The following ASH1L variants were observed in gnomAD, a reference collection of about 807,000 sequenced individuals.
ASH1L encodes the protein histone-lysine N-methyltransferase ASH1L.
In ASH1L, 23 loss-of-function variants were observed where a neutral mutation model predicts 269.0. The observed-to-expected ratio is 0.09, with a 90% confidence interval of 0.06 to 0.12. ASH1L has a LOEUF of 0.12. Ranked by LOEUF, ASH1L falls within the 10% of genes least tolerant of loss-of-function variation. The pLI, the probability that ASH1L is intolerant of heterozygous loss-of-function variation, is 1.00. For synonymous variants in ASH1L, 1,187 were observed against 1,253.5 expected (o/e 0.95, Z 1.12); for missense variants, 2,912 against 3,567.8 (o/e 0.82, Z 4.68).
At chr1:155,486,641 T>C (rs1283287153) in intron 2 of ASH1L, among the ~76,000 whole-genome samples, 1 of 152,082 alleles carries the variant, frequency 6.6e-6, no homozygotes, top group Non-Finnish European at 1.5e-5. Flanking sequence ...TATCAAAACA[T>C]CTCATGTATC....
At chr1:155,537,153 A>G (rs768606155) in intron 1 of ASH1L, among the ~76,000 whole-genome samples, 1 of 152,218 alleles carries the variant, frequency 6.6e-6, no homozygotes, top group Non-Finnish European at 1.5e-5. Context: ...ACATGCCTGC[A>G]GTGCATTTGC....
chr1:155,484,938 AAAAAACAAAAAC>A (rs985821355), intron 2 of ASH1L, among the ~76,000 whole-genome samples: 1 of 135,026 alleles, frequency 7.4e-6, no homozygotes, highest in Non-Finnish European at 1.5e-5. Flanking sequence ...CAAAAAAAAA[AAAAAACAAAAAC>A]AAAAACAAAA....
At chr1:155,351,886 TA>T (rs1312068049) in intron 17 of ASH1L, among the ~76,000 whole-genome samples, 44 of 151,374 alleles carry the variant, frequency 2.9e-4, no homozygotes, top group South Asian at 1.3e-3. Context: ...AATAAATAAA[TA>T]AATTAATTAC....
chr1:155,380,826 G>A (rs1229022131), intron 7 of ASH1L, among the ~76,000 whole-genome samples: 6 of 148,794 alleles, frequency 4.0e-5, no homozygotes, highest in Non-Finnish European at 8.9e-5. Context: ...TTTTAGTAGA[G>A]ACAGGGTTTC....
intron 6 of ASH1L, among the ~76,000 whole-genome samples, chr1:155,402,144 TCAAACAAACAAA>T (rs34981891): frequency 2.6e-5 from 4 of 151,336 alleles, no homozygotes; most frequent in South Asian, 2.1e-4. Flanking sequence ...AGACTCCGTC[TCAAACAAACAAA>T]CAAACAAACA....
intron 1 of ASH1L, among the ~76,000 whole-genome samples, chr1:155,526,572 C>T (rs747048161): frequency 6.6e-6 from 1 of 152,138 alleles, no homozygotes; most frequent in Non-Finnish European, 1.5e-5. Context: ...CTAATCTATT[C>T]CCTCTACCAC....
At chr1:155,354,244 A>C (rs1433661997) in intron 16 of ASH1L, among the ~76,000 whole-genome samples, 1 of 152,234 alleles carries the variant, frequency 6.6e-6, no homozygotes, top group East Asian at 1.9e-4. Context: ...GGAGTTCGAG[A>C]CCAGCCTGGC....
In ASH1L at chr1:155,480,465, T is replaced by C. The variant is rs1156881276; in HGVS notation, c.2405A>G (p.Lys802Arg). Reference sequence around the variant, plus strand: ...GGATAGTTTGTGAGTAGCAAAAGACTTATGAGATGGTTTTTCACTATCAGC... The same window carrying C: ...GGATAGTTTGTGAGTAGCAAAAGACCTATGAGATGGTTTTTCACTATCAGC... ...LLADSEKPSH[K>R]SFATHKLSSS... The change falls in exon 3 of 28, where the codon AAG (lysine) becomes AGG (arginine). Residue 802 changes from lysine (K) to arginine (R), a missense_variant. Physicochemically the swap from Lys to Arg is conservative, Grantham distance 26. Coordinates refer to ENST00000392403, the MANE Select transcript of ASH1L (RefSeq NM_018489.3). 1.2e-6 allele frequency: 2 copies of C among 1,613,940 alleles called. No individual in the cohort carries two copies. The highest frequency in any genetic ancestry group is 1.7e-6 in the Non-Finnish European group (2 of 1,179,940).
At position 155,481,837 on chromosome 1, in the gene ASH1L, C is replaced by A; in HGVS notation, c.1033G>T (p.Gly345Cys). The change falls in exon 3 of 28, where the codon GGT (glycine) becomes TGT (cysteine). Residue 345 changes from glycine to cysteine, a missense_variant. Physicochemically the swap from Gly to Cys is radical, Grantham distance 159. Transcript: ENST00000392403. ...SKDSGKKLGIGIVPGLVHKES... is the reference protein window; with the variant it reads ...SKDSGKKLGICIVPGLVHKES... The stretch of plus-strand genomic sequence containing the variant: ...TTATGCACTAAACCTGGAACAATAC[C>A]AATTCCTAGCTTCTTTCCTGAATCT... The A allele has an allele frequency of 6.2e-7, 1 of 1,614,162 alleles. No homozygotes were observed. The highest frequency in any genetic ancestry group is 8.5e-7 in the Non-Finnish European group (1 of 1,180,028).
chr1:155,478,093 G>C lies in ASH1L; in HGVS notation c.4777C>G (p.Pro1593Ala). ...TCACTGCTGGCTGGCTCAGAGTTGG[G>C]AGTGAATCCTCCAAGGGATAAGCTT... is the stretch of plus-strand genomic sequence containing the variant. ...SPSLSLGGFTPNSEPASSDEH... is the reference protein window; with the variant it reads ...SPSLSLGGFTANSEPASSDEH... The change falls in exon 3 of 28, where the codon CCC becomes GCC. Residue 1593 changes from proline (P) to alanine (A), a missense_variant. By Grantham distance (27) the Pro-to-Ala change is conservative (BLOSUM62 -1). This residue lies in a region of ASH1L where 789 missense variants were observed against 897.6 expected (regional missense o/e 0.88). Transcript: ENST00000392403. The surrounding 1 kb of genome is among the most constrained non-coding windows in gnomAD (Gnocchi z 4.6). 1 of 1,614,140 alleles carries C rather than the reference G, an allele frequency of 6.2e-7. No homozygotes were observed. Among genetic ancestry groups the C allele is most frequent in the Non-Finnish European group, 8.5e-7 (1 of 1,180,030 alleles).
chr1:155,480,564 A>G lies in ASH1L; in HGVS notation c.2306T>C (p.Phe769Ser), dbSNP rs200517731. Residue 769 changes from phenylalanine (F) to serine (S), a missense_variant, in exon 3 of 28, where the codon TTT becomes TCT. Phe to Ser is a radical substitution (Grantham distance 155, BLOSUM62 -2). Coordinates refer to ENST00000392403, the MANE Select transcript of ASH1L (RefSeq NM_018489.3). ...GCGTTTAAGGAAGTCATGATCTACA[A>G]ATGAAGGGGGTCCAATGTTTTTCAT... ...KFMKNIGPPS[F>S]VDHDFLKRRL... The G allele has an allele frequency of 1.2e-6, 2 of 1,614,102 alleles. No individual in the cohort carries two copies. The highest frequency in any genetic ancestry group is 8.5e-7 in the Non-Finnish European group (1 of 1,179,986).
Position 155,484,467 on chromosome 1 carries a change from G to A in ASH1L, c.421-2018C>T, listed in dbSNP as rs371466920. Among the ~76,000 whole-genome samples, 20 of 152,126 alleles carry A rather than the reference G, an allele frequency of 1.3e-4. No homozygotes were observed. The East Asian group carries it at 1.9e-3, about 15-fold the overall frequency. ...TGCGCCACTGCACTCTAGCCTGGGC[G>A]AAAGAGCAAGACTCTGTCTCAAAAA... On this transcript the variant is annotated intron_variant, in intron 2 of 27. Coordinates refer to ENST00000392403, the MANE Select transcript of ASH1L (RefSeq NM_018489.3).
chr1:155,455,501 AC>A (rs1229410271), intron 4 of ASH1L, among the ~76,000 whole-genome samples: 1 of 152,192 alleles, frequency 6.6e-6, no homozygotes, highest in Non-Finnish European at 1.5e-5. Flanking sequence ...TTGTTTACAT[AC>A]CTCAGTTTAC....
At position 155,338,165 on chromosome 1, in the gene ASH1L, C is replaced by T. The variant is rs147546776; in HGVS notation, c.8727G>A (p.Glu2909=). Residue 2909 remains glutamate, a synonymous_variant, in exon 27 of 28, where the codon GAG becomes GAA. Transcript: ENST00000392403. ...GTTCCCGTTGGTTATGCCGTCGTTC[C>T]TCAGGGGTACAGGTTGACTGGGGTT... ...SQEPQSTCTP[E]ERRHNQRERL... is the part of the protein sequence containing the mutation. The T allele has an allele frequency of 1.9e-6, 3 of 1,613,930 alleles. No homozygotes were observed. Among genetic ancestry groups the T allele is most frequent in the Non-Finnish European group, 2.5e-6 (3 of 1,180,016 alleles).
Position 155,337,505 on chromosome 1 carries a change from C to T in ASH1L, c.*155G>A. 1.5e-6 allele frequency: 1 copy of T among 654,796 alleles called. No individual in the cohort carries two copies. The highest frequency in any genetic ancestry group is 2.8e-6 in the Non-Finnish European group (1 of 363,478). 40.6% of individuals were successfully genotyped at this position (654,796 alleles called of 1,614,324 possible). Reference sequence around the variant, plus strand: ...ACCCTTTCCTCTCCCTCTCCACTAGCTCCAAGGCTTATTAAGTACCTAATG... The same window carrying T: ...ACCCTTTCCTCTCCCTCTCCACTAGTTCCAAGGCTTATTAAGTACCTAATG... On this transcript the variant is annotated 3_prime_UTR_variant, in exon 28 of 28. Coordinates refer to ENST00000392403, the MANE Select transcript of ASH1L (RefSeq NM_018489.3).
At chr1:155,386,334 C>T (rs1657425071) in intron 7 of ASH1L, among the ~76,000 whole-genome samples, 1 of 151,846 alleles carries the variant, frequency 6.6e-6, no homozygotes, top group Admixed American at 6.6e-5. Context: ...TCCCAAAGTG[C>T]TGGGTTTACA....
chr1:155,524,788 C>G (rs1056976092), intron 1 of ASH1L, among the ~76,000 whole-genome samples: 1 of 151,964 alleles, frequency 6.6e-6, no homozygotes, highest in East Asian at 1.9e-4. Context: ...TACACTGAGC[C>G]GTGATTGTAC....
intron 2 of ASH1L, among the ~76,000 whole-genome samples, chr1:155,489,888 C>T (rs1383554142): frequency 1.3e-5 from 2 of 151,992 alleles, no homozygotes; most frequent in Admixed American, 1.3e-4. Context: ...TGTTCAATTA[C>T]TTCCTTCAGG....
chr1:155,399,150 A>C (rs1658620523), intron 6 of ASH1L, among the ~76,000 whole-genome samples: 1 of 152,234 alleles, frequency 6.6e-6, no homozygotes, highest in South Asian at 2.1e-4. Context: ...ATGAGAGGGC[A>C]GATGCATTTA....
Sources: allele counts gnomAD v4.1 joint callset (sites outside exome capture counted in the v4.1 genomes callset), GRCh38; gene constraint gnomAD v4.1.1; regional missense constraint gnomAD v4.1.1; non-coding constraint Gnocchi (gnomAD v3.1); transcripts MANE v1.5; gene names NCBI Gene and HGNC (gene_info 2026-07-23, HGNC 2026-07-21).